TTN: variants seen among roughly 807,000 people sequenced by gnomAD.
TTN encodes the protein connectin.
In TTN, 1,525 loss-of-function variants were observed where a neutral mutation model predicts 3,223.0. The ratio of observed to expected loss-of-function variants is 0.47; its 90% CI spans 0.45 to 0.49. The LOEUF (loss-of-function observed/expected upper bound fraction) is 0.49, where lower values mean the gene tolerates loss of function less well. TTN is among the 20% of genes least tolerant of loss of function. The probability of loss-of-function intolerance (pLI) is 0.00; values close to 1 mark genes in which losing one functional copy is unlikely to be tolerated. For missense variants in TTN, 40,786 were observed against 43,424.0 expected (o/e 0.94, Z 5.40); for synonymous variants, 14,094 against 15,161.0 (o/e 0.93, Z 5.17).
At chr2:178,753,024 T>A (rs1268605842) in intron 47 of TTN, 100 bp downstream of exon 47, 1 of 914,874 alleles carries the variant, frequency 1.1e-6, no homozygotes, top group African/African-American at 1.7e-5. Flanking sequence ...TATATCTATG[T>A]CATTTTTTTC....
intron 228 of TTN, 145 bp downstream of exon 228, chr2:178,635,020 C>G: frequency 1.5e-6 from 2 of 1,366,642 alleles, no homozygotes; most frequent in Non-Finnish European, 2.0e-6. Context: ...CCAAATGATA[C>G]GTAAAATTTC....
At chr2:178,804,901 C>T (rs988787846) in intron 1 of TTN, among the ~76,000 whole-genome samples, 1 of 152,072 alleles carries the variant, frequency 6.6e-6, no homozygotes, top group Non-Finnish European at 1.5e-5. Flanking sequence ...ATTAGCCAAA[C>T]AGAACAAGGA....
chr2:178,549,513 T>C (rs1194132860), intron 338 of TTN, 40 bp from the exon 339 acceptor site: 2 of 1,592,150 alleles, frequency 1.3e-6, no homozygotes, highest in Non-Finnish European at 1.7e-6. Context: ...ATTAGATGCA[T>C]TTGCTTGGAA....
At chr2:178,727,057 A>T in intron 69 of TTN, 33 bp downstream of exon 69, 1 of 1,415,690 alleles carries the variant, frequency 7.1e-7, no homozygotes, top group African/African-American at 1.4e-5. Flanking sequence ...GGTGGTTTTC[A>T]TTTAATGAGA....
rs758624046 is a variant in TTN at position 178,663,614 on chromosome 2, C to G, written c.36532+13G>C. 9.9e-6 allele frequency: 16 copies of G among 1,613,646 alleles called. No homozygotes were observed. Among genetic ancestry groups the G allele is most frequent in the Non-Finnish European group, 1.4e-5 (16 of 1,179,738 alleles). The stretch of plus-strand genomic sequence containing the variant: ...AGATACATCATCTGAAGCCTAAAAT[C>G]AGTGACAAATACCTTTAACAGGTGG... On this transcript the variant is annotated intron_variant, in intron 171 of 362. Coordinates refer to ENST00000589042, the MANE Select transcript of TTN (RefSeq NM_001267550.2).
chr2:178,548,234 A>C lies in TTN; in HGVS notation c.93392T>G (p.Val31131Gly), dbSNP rs1176407616. The C allele has an allele frequency of 1.8e-5, 29 of 1,613,750 alleles. No homozygotes were observed. The highest frequency in any genetic ancestry group is 6.7e-5 in the Admixed American group (4 of 59,976). Reference protein sequence around the residue: ...DVVDTSKSSAVLAWLKPDHDG... With the variant: ...DVVDTSKSSAGLAWLKPDHDG... ...GTGGTCAGGTTTAAGCCAAGCTAAGACTGCGGAGGATTTGCTAGTATCAAC... is the reference window on the plus strand; with the variant it reads ...GTGGTCAGGTTTAAGCCAAGCTAAGCCTGCGGAGGATTTGCTAGTATCAAC... Residue 31131 changes from valine to glycine, a missense_variant, in exon 339 of 363, where the codon GTC becomes GGC. Physicochemically the swap from Val to Gly is moderately radical, Grantham distance 109. Coordinates refer to ENST00000589042, the MANE Select transcript of TTN (RefSeq NM_001267550.2). The surrounding 1 kb of genome is among the most constrained non-coding windows in gnomAD (Gnocchi z 4.3).
At chr2:178,779,941 T>TA (rs939245906) in intron 22 of TTN, 59 bp downstream of exon 22, 36 of 1,557,310 alleles carry the variant, frequency 2.3e-5, no homozygotes, top group Non-Finnish European at 3.1e-5. Flanking sequence ...AAATATCAAA[T>TA]AAAAAAAGGA....
chr2:178,617,423 C>T lies in TTN; in HGVS notation c.47662G>A (p.Gly15888Arg), dbSNP rs566975986. The change falls in exon 254 of 363, where the codon GGA becomes AGA. Residue 15888 changes from glycine to arginine, a missense_variant. By Grantham distance (125) the Gly-to-Arg change is moderately radical. Transcript: ENST00000589042. ...ATTATATAGCCTAATATTGGGCTTC[C>T]TCCATCTTTCAGAGGAGGTTCCCAT... ...LKWEPPLKDG[G>R]SPILGYIIER... is the part of the protein sequence containing the mutation. 12 of 1,593,598 alleles carry T rather than the reference C, an allele frequency of 7.5e-6. No individual in the cohort carries two copies. Among genetic ancestry groups the T allele is most frequent in the South Asian group, 7.0e-5 (6 of 85,978 alleles).
In TTN at chr2:178,571,544, A is replaced by G; in HGVS notation, c.74588T>C (p.Val24863Ala). Residue 24863 changes from valine (V) to alanine (A), a missense_variant, in exon 326 of 363, where the codon GTT becomes GCT. Val to Ala is a moderately conservative substitution (Grantham distance 64). Transcript: ENST00000589042. ...GCAAGCCTTTATTGTTGTCCTTGCAACTGTAGCTGATACAATTTGCCAGGT... is the reference window on the plus strand; with the variant it reads ...GCAAGCCTTTATTGTTGTCCTTGCAGCTGTAGCTGATACAATTTGCCAGGT... Reference protein sequence around the residue: ...TTTWQIVSATVARTTIKACRL... With the variant: ...TTTWQIVSATAARTTIKACRL... 5 of 1,613,252 alleles carry G rather than the reference A, an allele frequency of 3.1e-6. 1 individual carries two copies. The highest frequency in any genetic ancestry group is 1.7e-5 in the Admixed American group (1 of 59,968).
In TTN at chr2:178,572,265, T is replaced by C. The variant is rs559112722; in HGVS notation, c.73867A>G (p.Ile24623Val). Reference protein sequence around the residue: ...ASERPLPPGKITLMDVTRNSV... With the variant: ...ASERPLPPGKVTLMDVTRNSV... ...TTTCTTGTGACATCCATCAAAGTTA[T>C]TTTTCCTGGAGGAAGAGGTCGTTCT... is the stretch of plus-strand genomic sequence containing the variant. Residue 24623 changes from isoleucine (I) to valine (V), a missense_variant, in exon 326 of 363, where the codon ATA becomes GTA. Physicochemically the swap from Ile to Val is conservative, Grantham distance 29. Coordinates refer to ENST00000589042, the MANE Select transcript of TTN (RefSeq NM_001267550.2). 3.1e-6 allele frequency: 5 copies of C among 1,613,246 alleles called. No homozygotes were observed. In the East Asian group the frequency reaches 6.7e-5, roughly 22 times the overall value.
chr2:178,703,261 A>G (rs1435635845), intron 106 of TTN, among the ~76,000 whole-genome samples: 1 of 152,206 alleles, frequency 6.6e-6, no homozygotes, highest in African/African-American at 2.4e-5. Context: ...GGAGGGTCTT[A>G]TATGTATAAC....
chr2:178,738,224 A>T lies in TTN; in HGVS notation c.14229T>A (p.Ser4743Arg). The change falls in exon 49 of 363, where the codon AGT becomes AGA. Residue 4743 changes from serine to arginine, a missense_variant. Transcript: ENST00000589042. ...TTGAAGATCGAATAGAACACTTGTC[A>T]CTCTCATAAATTTCTCGGCCAGCTT... Reference protein sequence around the residue: ...WFKAGREIYESDKCSIRSSKY... With the variant: ...WFKAGREIYERDKCSIRSSKY... The T allele has an allele frequency of 3.1e-6, 5 of 1,613,576 alleles. No individual in the cohort carries two copies. The highest frequency in any genetic ancestry group is 4.2e-6 in the Non-Finnish European group (5 of 1,179,724).
intron 362 of TTN, 55 bp from the exon 363 acceptor site, chr2:178,527,362 T>C: frequency 6.4e-7 from 1 of 1,562,274 alleles, no homozygotes; most frequent in South Asian, 1.2e-5. Context: ...AAAATAAAGA[T>C]TTGCTTTCTA....
intron 60 of TTN, 58 bp from the exon 61 acceptor site, chr2:178,730,850 G>GTTTT: frequency 8.0e-7 from 1 of 1,255,556 alleles, no homozygotes; most frequent in African/African-American, 1.5e-5. Flanking sequence ...ATTTGTTTTT[G>GTTTT]TTTTTTTTTT....
Position 178,689,069 on chromosome 2 carries a change from T to G in TTN, c.32079A>C (p.Lys10693Asn). The change falls in exon 125 of 363, where the codon AAA becomes AAC. Residue 10693 changes from lysine to asparagine, a missense_variant. Transcript: ENST00000589042. ...AAATCCTACCTCGGGGAGGAGGAGC[T>G]TTCTTAGCGACAGGAACTGGCACTG... ...KVAVPVPVAK[K>N]APPPRAEVSK... The G allele has an allele frequency of 6.2e-7, 1 of 1,611,884 alleles. No homozygotes were observed. Among genetic ancestry groups the G allele is most frequent in the Non-Finnish European group, 8.5e-7 (1 of 1,179,416 alleles).
intron 47 of TTN, chr2:178,748,065 C>T (rs2084182554): frequency 6.2e-7 from 1 of 1,612,992 alleles, no homozygotes. Flanking sequence ...TCCATTTCAC[C>T]AACCCCTAAA....
intron 24 of TTN, 92 bp downstream of exon 24, chr2:178,778,782 C>T (rs966052208): frequency 1.1e-5 from 18 of 1,567,272 alleles, no homozygotes; most frequent in African/African-American, 5.4e-5. Flanking sequence ...TTTTAGCCCT[C>T]GATTTTCTTC....
In TTN at chr2:178,570,600, C is replaced by G. The variant is rs878863074; in HGVS notation, c.75532G>C (p.Asp25178His). 1 of 1,613,298 alleles carries G rather than the reference C, an allele frequency of 6.2e-7. No homozygotes were observed. The highest frequency in any genetic ancestry group is 1.3e-5 in the African/African-American group (1 of 74,878). ...GCCTTCAGTATGTAATTTCCACTGT[C>G]GACACGTACTGCATCTTTTACACTG... ...SLSVKDAVRV[D>H]SGNYILKAKN... The change falls in exon 326 of 363, where the codon GAC (aspartate) becomes CAC (histidine). Residue 25178 changes from aspartate (D) to histidine (H), a missense_variant. Physicochemically the swap from Asp to His is moderately conservative, Grantham distance 81. Coordinates refer to ENST00000589042, the MANE Select transcript of TTN (RefSeq NM_001267550.2).
intron 311 of TTN, 113 bp from the exon 312 acceptor site, chr2:178,584,019 A>G: frequency 8.1e-7 from 1 of 1,236,320 alleles, no homozygotes; most frequent in South Asian, 1.8e-5. Context: ...GAAGACAATT[A>G]TCCCATTTTA....
Sources: gnomAD v4.1 joint callset for allele counts (sites outside exome capture counted in the v4.1 genomes callset) on GRCh38, gnomAD v4.1.1 for gene constraint, Gnocchi (gnomAD v3.1) non-coding constraint, MANE v1.5 for transcripts, NCBI Gene and HGNC (gene_info 2026-07-23, HGNC 2026-07-21) for gene names.